The following ARMH4 variants were observed in gnomAD, a reference collection of about 807,000 sequenced individuals.
ARMH4 encodes the protein armadillo like helical domain containing 4, also known as armadillo-like helical domain-containing protein 4.
A neutral mutation model predicts 61.9 loss-of-function variants in ARMH4; 49 were observed. The observed-to-expected ratio is 0.79, with a 90% CI of 0.63 to 1.00. The LOEUF (loss-of-function observed/expected upper bound fraction) is 1.00. Ranked by LOEUF, ARMH4 falls within the 50% of genes least tolerant of loss-of-function variation. The pLI is 0.00. For synonymous variants in ARMH4, 368 were observed against 341.5 expected, an observed-to-expected ratio of 1.08 and a Z score of -0.85; for missense variants, 934 against 930.0, an observed-to-expected ratio of 1.00 and a Z score of -0.06.
Position 58,004,560 on chromosome 14 carries a change from T to C in ARMH4, c.*176A>G. ...CAAATACTGCATGATACGTTTAGTA[T>C]ACAACATGCCATTTCTGCTCAGTAC... On this transcript the variant is annotated 3_prime_UTR_variant, in exon 8 of 8. Coordinates refer to ENST00000267485, the MANE Select transcript of ARMH4 (RefSeq NM_001001872.4). The C allele has an allele frequency of 1.7e-6, 1 of 572,502 alleles. No homozygotes were observed. The allele number at this position is 572,502 out of a possible 1,614,324, so 35.5% of individuals were successfully genotyped here.
At chr14:58,031,872 T>C (rs574406953) in intron 5 of ARMH4, among the ~76,000 whole-genome samples, 4 of 152,234 alleles carry the variant, frequency 2.6e-5, no homozygotes, top group East Asian at 3.9e-4. Flanking sequence ...GTGTCTCCAG[T>C]TTCTTTCCAA....
chr14:58,039,237 C>A (rs71414185), intron 5 of ARMH4, among the ~76,000 whole-genome samples: 2 of 152,140 alleles, frequency 1.3e-5, no homozygotes, highest in African/African-American at 4.8e-5. Flanking sequence ...AGTCTAGCAT[C>A]GCAATCTGAG....
At chr14:58,099,609 G>A (rs1219780121) in intron 4 of ARMH4, among the ~76,000 whole-genome samples, 1 of 152,180 alleles carries the variant, frequency 6.6e-6, no homozygotes, top group Admixed American at 6.5e-5. Flanking sequence ...ATTCTTACCA[G>A]AAATTTGGCT....
At chr14:58,128,980 G>C (rs1182992195) in intron 4 of ARMH4, among the ~76,000 whole-genome samples, 1 of 152,190 alleles carries the variant, frequency 6.6e-6, no homozygotes, top group Non-Finnish European at 1.5e-5. Flanking sequence ...GAATAGATTG[G>C]AGTCATGCTG....
chr14:58,018,921 T>C (rs1189930887), intron 5 of ARMH4, among the ~76,000 whole-genome samples: 6 of 152,168 alleles, frequency 3.9e-5, no homozygotes, highest in Non-Finnish European at 8.8e-5. Flanking sequence ...ATAAACACAG[T>C]GGAATATTAT....
intron 5 of ARMH4, among the ~76,000 whole-genome samples, chr14:58,039,346 T>A (rs1248032993): frequency 1.3e-5 from 2 of 152,184 alleles, no homozygotes; most frequent in African/African-American, 4.8e-5. Flanking sequence ...CCTCTGTTTA[T>A]CAGAGGACCT....
At chr14:58,116,793 C>T (rs541292759) in intron 4 of ARMH4, among the ~76,000 whole-genome samples, 15 of 152,296 alleles carry the variant, frequency 9.8e-5, no homozygotes, top group Admixed American at 7.8e-4. Flanking sequence ...GCTGAAGATA[C>T]CGATTTACAT....
chr14:58,136,761 A>G (rs1887313141), intron 2 of ARMH4, among the ~76,000 whole-genome samples: 1 of 152,208 alleles, frequency 6.6e-6, no homozygotes, highest in Non-Finnish European at 1.5e-5. Flanking sequence ...ACCCATAATA[A>G]AAGAAAACCA....
chr14:58,072,533 AC>A (rs1200758493), intron 5 of ARMH4, among the ~76,000 whole-genome samples: 14 of 152,164 alleles, frequency 9.2e-5, no homozygotes, highest in African/African-American at 3.4e-4. Context: ...AGCCTGGCCA[AC>A]GTCGTGAAAC....
intron 1 of ARMH4, among the ~76,000 whole-genome samples, chr14:58,151,545 T>A (rs980921174): frequency 1.3e-5 from 2 of 152,118 alleles, no homozygotes; most frequent in African/African-American, 4.8e-5. Flanking sequence ...CTCAACTGTT[T>A]GTTTTCTGCA....
chr14:58,122,595 A>G (rs1422859392), intron 4 of ARMH4, among the ~76,000 whole-genome samples: 1 of 152,158 alleles, frequency 6.6e-6, no homozygotes, highest in Non-Finnish European at 1.5e-5. Flanking sequence ...AGAGATCAGG[A>G]GGAGCGGTGG....
chr14:58,041,956 G>A (rs1883723921), intron 5 of ARMH4, among the ~76,000 whole-genome samples: 3 of 151,862 alleles, frequency 2.0e-5, no homozygotes, highest in Admixed American at 2.0e-4. Flanking sequence ...CAAGTCCTTA[G>A]AGACCTACAA....
At chr14:58,113,979 A>G (rs1430881151) in intron 4 of ARMH4, among the ~76,000 whole-genome samples, 1 of 151,768 alleles carries the variant, frequency 6.6e-6, no homozygotes, top group Non-Finnish European at 1.5e-5. Context: ...ATGTCTGGAT[A>G]GTTTTAGTAA....
chr14:58,058,736 T>C (rs1941270842), intron 5 of ARMH4, among the ~76,000 whole-genome samples: 1 of 152,236 alleles, frequency 6.6e-6, no homozygotes, highest in Admixed American at 6.5e-5. Context: ...CCACATGCTG[T>C]TTTATCAGCA....
rs774870639 is a variant in ARMH4 at position 58,138,600 on chromosome 14, A to C, written c.759T>G (p.Asp253Glu). 1.9e-6 allele frequency: 3 copies of C among 1,614,224 alleles called. No individual in the cohort carries two copies. The Admixed American group carries it at 5.0e-5, about 27-fold the overall frequency. ...CTGTCATCTGCGAAGGCTTCTCCTT[A>C]TCAGGGGTGAGGCTTCCAGGCTCAC... Reference protein sequence around the residue: ...AGSEPGSLTPDKEKPSQMTAD... With the variant: ...AGSEPGSLTPEKEKPSQMTAD... The change falls in exon 2 of 8, where the codon GAT becomes GAG. Residue 253 changes from aspartate to glutamate, a missense_variant. Asp to Glu is a conservative substitution (Grantham distance 45). Coordinates refer to ENST00000267485, the MANE Select transcript of ARMH4 (RefSeq NM_001001872.4).
chr14:58,014,143 G>T (rs527864714), intron 5 of ARMH4, among the ~76,000 whole-genome samples: 2 of 152,188 alleles, frequency 1.3e-5, no homozygotes, highest in South Asian at 4.1e-4. Context: ...GCTCCTTCAA[G>T]TTGAAAATGT....
At chr14:58,115,579 C>T (rs1307181829) in intron 4 of ARMH4, among the ~76,000 whole-genome samples, 1 of 152,034 alleles carries the variant, frequency 6.6e-6, no homozygotes, top group African/African-American at 2.4e-5. Context: ...TGGGTATACA[C>T]CTAAAAAAAA....
At chr14:58,030,304 T>G (rs115315975) in intron 5 of ARMH4, among the ~76,000 whole-genome samples, 184 of 152,314 alleles carry the variant, frequency 1.2e-3, no homozygotes, top group African/African-American at 4.3e-3. Context: ...CCAGCCAGCC[T>G]AGATGGCCAG....
chr14:58,127,716 A>C (rs1266607164), intron 4 of ARMH4, among the ~76,000 whole-genome samples: 1 of 152,184 alleles, frequency 6.6e-6, no homozygotes, highest in Non-Finnish European at 1.5e-5. Context: ...CTAACCCAGA[A>C]GAGTCCAAGC....
Sources: allele counts gnomAD v4.1 joint callset (sites outside exome capture counted in the v4.1 genomes callset), GRCh38; gene constraint gnomAD v4.1.1; transcripts MANE v1.5; gene names NCBI Gene and HGNC (gene_info 2026-07-23, HGNC 2026-07-21).